NCKAP5: variants seen among roughly 807,000 people sequenced by gnomAD.
NCKAP5 encodes the protein NCK associated protein 5, also known as nck-associated protein 5.
Under a neutral mutation model 167.0 loss-of-function variants are expected in NCKAP5, and 92 were observed. The ratio of observed to expected loss-of-function variants is 0.55; its 90% confidence interval spans 0.47 to 0.66. NCKAP5 has a LOEUF of 0.66. Ranked by LOEUF, NCKAP5 falls within the 30% of genes least tolerant of loss-of-function variation. The pLI, the probability that NCKAP5 is intolerant of heterozygous loss-of-function variation, is 0.00. For synonymous variants in NCKAP5, 891 were observed against 877.4 expected (o/e 1.02, Z -0.27); for missense variants, 2,378 against 2,315.0 (o/e 1.03, Z -0.56).
the NCKAP5 span, among the ~76,000 whole-genome samples, chr2:133,586,271 A>T: frequency 6.6e-6 from 1 of 152,144 alleles, no homozygotes; most frequent in Non-Finnish European, 1.5e-5. Flanking sequence ...AGTCCACGTG[A>T]TCTGCGGCCC....
upstream of NCKAP5, among the ~76,000 whole-genome samples, chr2:133,569,705 A>G (rs567576689): frequency 3.9e-5 from 6 of 152,308 alleles, no homozygotes; most frequent in Non-Finnish European, 7.4e-5. Context: ...CACTACCCCC[A>G]GCAGATGCTC....
At chr2:133,652,160 C>T in the NCKAP5 span, among the ~76,000 whole-genome samples, 4 of 152,104 alleles carry the variant, frequency 2.6e-5, no homozygotes, top group Non-Finnish European at 4.4e-5. Flanking sequence ...TTCTTATAGT[C>T]ACATACTAAA....
intron 6 of NCKAP5, among the ~76,000 whole-genome samples, chr2:133,053,662 T>C (rs949362273): frequency 6.6e-6 from 1 of 152,204 alleles, no homozygotes; most frequent in African/African-American, 2.4e-5. Context: ...CTACTCTCTT[T>C]CGCTAATTTC....
chr2:133,602,765 A>C, the NCKAP5 span, among the ~76,000 whole-genome samples: 14 of 152,202 alleles, frequency 9.2e-5, no homozygotes, highest in African/African-American at 3.4e-4. Context: ...ATGGTTTGTC[A>C]ACCCCCGGGT....
intron 3 of NCKAP5, among the ~76,000 whole-genome samples, chr2:133,391,817 C>T (rs1252059042): frequency 1.3e-5 from 2 of 152,148 alleles, no homozygotes; most frequent in Non-Finnish European, 2.9e-5. Context: ...TCACAGTTTT[C>T]CATTACTCAC....
intron 6 of NCKAP5, among the ~76,000 whole-genome samples, chr2:133,016,352 G>A (rs970125134): frequency 3.9e-5 from 6 of 152,160 alleles, no homozygotes; most frequent in African/African-American, 1.2e-4. Flanking sequence ...AAAAGGTGAT[G>A]AAAATAGAGA....
intron 8 of NCKAP5, among the ~76,000 whole-genome samples, chr2:132,921,462 T>C (rs1428746848): frequency 6.6e-6 from 1 of 152,190 alleles, no homozygotes; most frequent in African/African-American, 2.4e-5. Context: ...ATAACAAATA[T>C]TTATCGAGTT....
At chr2:133,532,640 A>G (rs1223880776) in intron 2 of NCKAP5, among the ~76,000 whole-genome samples, 1 of 152,152 alleles carries the variant, frequency 6.6e-6, no homozygotes, top group African/African-American at 2.4e-5. Context: ...TACATTTGAC[A>G]GGAAAATATC....
chr2:132,953,861 A>C (rs555535656), intron 8 of NCKAP5, among the ~76,000 whole-genome samples: 3 of 152,194 alleles, frequency 2.0e-5, no homozygotes, highest in Non-Finnish European at 4.4e-5. Context: ...GTGGGCCTAC[A>C]ACTGAAGTCA....
intron 3 of NCKAP5, among the ~76,000 whole-genome samples, chr2:133,333,459 G>A (rs1055874698): frequency 6.6e-6 from 1 of 152,124 alleles, no homozygotes; most frequent in African/African-American, 2.4e-5. Flanking sequence ...CCACGACGAG[G>A]AAAAGCCATG....
chr2:133,033,586 C>T (rs2320541), intron 6 of NCKAP5, among the ~76,000 whole-genome samples: 43,439 of 151,862 alleles, frequency 0.29, 7,035 homozygotes, highest in Non-Finnish European at 0.35. Context: ...AAAATAGCTG[C>T]GTTGAGGAAA....
the NCKAP5 span, among the ~76,000 whole-genome samples, chr2:133,591,490 C>A: frequency 6.6e-6 from 1 of 152,192 alleles, no homozygotes; most frequent in Non-Finnish European, 1.5e-5. Flanking sequence ...ACTTCTGGGT[C>A]TAGGTATTTG....
Position 132,841,233 on chromosome 2 carries a change from T to G in NCKAP5, c.807+19259A>C, listed in dbSNP as rs571154261. 9.9e-4 allele frequency among the ~76,000 whole-genome samples: 150 copies of G among 152,280 alleles called. 1 individual carries two copies. Among genetic ancestry groups the G allele is most frequent in the African/African-American group, 3.5e-3 (144 of 41,584 alleles). Reference sequence around the variant, plus strand: ...AATAATTTAATACAATTCCATTTTTTTGTGTGTGAGTTTTACCATGTGGCT... The same window carrying G: ...AATAATTTAATACAATTCCATTTTTGTGTGTGTGAGTTTTACCATGTGGCT... On this transcript the variant is annotated intron_variant, in intron 11 of 19. Coordinates refer to ENST00000409261, the MANE Select transcript of NCKAP5 (RefSeq NM_207363.3).
intron 19 of NCKAP5, among the ~76,000 whole-genome samples, chr2:132,715,554 G>C (rs1033230076): frequency 6.6e-6 from 1 of 152,138 alleles, no homozygotes; most frequent in African/African-American, 2.4e-5. Flanking sequence ...TAACTTTCAA[G>C]TCTGTAAAGG....
intron 4 of NCKAP5, among the ~76,000 whole-genome samples, chr2:133,237,367 A>G (rs2087471636): frequency 6.6e-6 from 1 of 152,256 alleles, no homozygotes; most frequent in Non-Finnish European, 1.5e-5. Flanking sequence ...CTATGAAAAT[A>G]TAAGAATAAA....
At chr2:133,633,688 A>G in the NCKAP5 span, among the ~76,000 whole-genome samples, 1,100 of 152,314 alleles carry the variant, frequency 7.2e-3, 14 homozygotes, top group African/African-American at 0.025. Context: ...GCTTCATTTT[A>G]TAGATGAATG....
chr2:133,097,937 T>G (rs1323724130), intron 6 of NCKAP5, among the ~76,000 whole-genome samples: 2 of 152,204 alleles, frequency 1.3e-5, no homozygotes, highest in African/African-American at 4.8e-5. Flanking sequence ...CTGCTGACAC[T>G]ACCTTGACCC....
At chr2:132,927,622 G>GT (rs879430927) in intron 8 of NCKAP5, among the ~76,000 whole-genome samples, 4 of 151,696 alleles carry the variant, frequency 2.6e-5, no homozygotes, top group African/African-American at 2.4e-5. Flanking sequence ...TGTTTGTTTT[G>GT]TTTTTTTGCA....
At chr2:133,292,599 T>C (rs1467716524) in intron 4 of NCKAP5, among the ~76,000 whole-genome samples, 1 of 152,238 alleles carries the variant, frequency 6.6e-6, no homozygotes. Context: ...CTAATGTCTT[T>C]AGATTAAATA....
Sources: allele counts gnomAD v4.1 joint callset (sites outside exome capture counted in the v4.1 genomes callset), GRCh38; gene constraint gnomAD v4.1.1; transcripts MANE v1.5; gene names NCBI Gene and HGNC (gene_info 2026-07-23, HGNC 2026-07-21).